HYDIN: variants seen among roughly 807,000 people sequenced by gnomAD.
The protein encoded by HYDIN is axonemal central pair apparatus protein HYDIN.
In HYDIN, 132 loss-of-function variants were observed where a neutral mutation model predicts 403.9. The observed-to-expected ratio is 0.33, with a 90% CI of 0.28 to 0.38. HYDIN has a LOEUF of 0.38. Ranked by LOEUF, HYDIN falls within the 10% of genes least tolerant of loss-of-function variation. The pLI, the probability that HYDIN is intolerant of heterozygous loss-of-function variation, is 1.00. For missense variants in HYDIN, 2,827 were observed against 5,009.5 expected, an observed-to-expected ratio of 0.56 and a Z score of 13.15; for synonymous variants, 1,202 against 1,891.7, an observed-to-expected ratio of 0.64 and a Z score of 9.46.
At chr16:71,048,667 T>C (rs1597639450) in intron 18 of HYDIN, among the ~76,000 whole-genome samples, 2 of 151,780 alleles carry the variant, frequency 1.3e-5, no homozygotes, top group African/African-American at 4.8e-5. Context: ...GAGCTAAACA[T>C]TGAGTACGCA....
chr16:70,865,179 T>TCGCTTCTTCACTTGGCTACCCC (rs1241050732), intron 67 of HYDIN: 1 of 360,826 alleles, frequency 2.8e-6, no homozygotes, highest in Non-Finnish European at 5.6e-6. Flanking sequence ...CCCTTCATTC[T>TCGCTTCTTCACTTGGCTACCCC]CGCTTCTTCA....
At chr16:70,876,074 T>A (rs8051474) in intron 62 of HYDIN, among the ~76,000 whole-genome samples, 591 of 140,390 alleles carry the variant, frequency 4.2e-3, no homozygotes, top group African/African-American at 0.019. Context: ...TAGACCAGGA[T>A]CTGTGAGAGT....
intron 18 of HYDIN, among the ~76,000 whole-genome samples, chr16:71,054,124 T>G (rs1162549742): frequency 2.0e-5 from 3 of 152,266 alleles, no homozygotes; most frequent in East Asian, 1.9e-4. Flanking sequence ...TGAATCACAT[T>G]AACACAAGAG....
intron 18 of HYDIN, among the ~76,000 whole-genome samples, chr16:71,041,275 TA>T (rs1445940628): frequency 6.7e-6 from 1 of 148,798 alleles, no homozygotes; most frequent in African/African-American, 2.5e-5. Context: ...TCAACACTGC[TA>T]GGGGGTAGGA....
chr16:71,150,762 T>C (rs370352941), intron 7 of HYDIN, among the ~76,000 whole-genome samples: 47 of 152,158 alleles, frequency 3.1e-4, no homozygotes, highest in Admixed American at 1.6e-3. Flanking sequence ...ATCAAGGAAA[T>C]GAAAAGGCAA....
At chr16:70,971,801 G>A (rs2078741325) in intron 35 of HYDIN, among the ~76,000 whole-genome samples, 1 of 150,650 alleles carries the variant, frequency 6.6e-6, no homozygotes. Flanking sequence ...GCTCCTTATG[G>A]AAATCTTTCT....
intron 20 of HYDIN, 117 bp downstream of exon 20, chr16:71,027,485 A>T (rs956527797): frequency 8.1e-5 from 125 of 1,541,218 alleles, no homozygotes; most frequent in Non-Finnish European, 1.0e-4. Context: ...ATTGTACACA[A>T]TCCTTGAGAA....
chr16:70,834,870 A>ATG (rs1373362746), intron 78 of HYDIN, among the ~76,000 whole-genome samples: 25 of 144,506 alleles, frequency 1.7e-4, no homozygotes, highest in African/African-American at 6.8e-4. Context: ...ACAAACATAT[A>ATG]TATATGTGTG....
intron 83 of HYDIN, among the ~76,000 whole-genome samples, chr16:70,826,267 C>A (rs1396300474): frequency 7.2e-6 from 1 of 139,226 alleles, no homozygotes; most frequent in Admixed American, 7.4e-5. Flanking sequence ...TCTTTGTCCT[C>A]AAGGGCTAAG....
chr16:71,066,822 G>A (rs929145918), intron 15 of HYDIN: 12 of 464,788 alleles, frequency 2.6e-5, no homozygotes, highest in Non-Finnish European at 4.3e-5. Context: ...CCCACTCCTA[G>A]CCTGAAATTC....
intron 65 of HYDIN, among the ~76,000 whole-genome samples, chr16:70,870,636 T>C (rs573788845): frequency 4.6e-5 from 7 of 152,232 alleles, no homozygotes; most frequent in African/African-American, 1.4e-4. Flanking sequence ...CCTCTCTGCC[T>C]CCTTTGATTA....
intron 13 of HYDIN, among the ~76,000 whole-genome samples, chr16:71,072,216 C>A (rs1231012543): frequency 1.4e-5 from 2 of 147,246 alleles, no homozygotes; most frequent in East Asian, 3.9e-4. Context: ...AGGAAATAAT[C>A]TCTGAATAAG....
At chr16:71,115,276 T>C (rs2083979090) in intron 10 of HYDIN, among the ~76,000 whole-genome samples, 1 of 152,190 alleles carries the variant, frequency 6.6e-6, no homozygotes, top group Non-Finnish European at 1.5e-5. Context: ...ACTCGGCACT[T>C]CTCCCTCCTG....
chr16:70,847,731 A>G lies in HYDIN; in HGVS notation c.12873+1995T>C, dbSNP rs530866356. 5.4e-3 allele frequency among the ~76,000 whole-genome samples: 822 copies of G among 151,782 alleles called. 4 individuals are homozygous for G. Among genetic ancestry groups the G allele is most frequent in the African/African-American group, 0.019 (805 of 41,376 alleles). ...TGCCTTCCAGATGATCTGTCTTTGT[A>G]TTTCAACAGTTTGGTAATGATGTGT... On this transcript the variant is annotated intron_variant, in intron 75 of 85. Coordinates refer to ENST00000393567, the MANE Select transcript of HYDIN (RefSeq NM_001270974.2).
At chr16:71,037,115 T>C (rs780209115) in intron 18 of HYDIN, among the ~76,000 whole-genome samples, 4 of 151,400 alleles carry the variant, frequency 2.6e-5, no homozygotes, top group Non-Finnish European at 5.9e-5. Flanking sequence ...CTCCTAACTA[T>C]GTATGCCTGG....
At chr16:71,143,746 C>A (rs2085258741) in intron 7 of HYDIN, among the ~76,000 whole-genome samples, 1 of 152,274 alleles carries the variant, frequency 6.6e-6, no homozygotes, top group East Asian at 1.9e-4. Flanking sequence ...AACTGCAAAG[C>A]AGCAACATTA....
At chr16:71,044,756 T>C (rs2081399049) in intron 18 of HYDIN, among the ~76,000 whole-genome samples, 3 of 140,962 alleles carry the variant, frequency 2.1e-5, no homozygotes, top group South Asian at 2.3e-4. Context: ...TTTTATTTCA[T>C]TGAACATATT....
chr16:71,145,274 G>T (rs1331316855), intron 7 of HYDIN, among the ~76,000 whole-genome samples: 130 of 129,988 alleles, frequency 1.0e-3, no homozygotes, highest in African/African-American at 2.7e-3. Flanking sequence ...TTTTTTTTTT[G>T]AGATGGAGTC....
At chr16:71,107,578 A>G (rs2083664342) in intron 10 of HYDIN, among the ~76,000 whole-genome samples, 1 of 152,170 alleles carries the variant, frequency 6.6e-6, no homozygotes, top group Non-Finnish European at 1.5e-5. Flanking sequence ...AAAAAGCTCA[A>G]TATCACTGAT....
Sources: gnomAD v4.1 joint callset for allele counts (sites outside exome capture counted in the v4.1 genomes callset) on GRCh38, gnomAD v4.1.1 for gene constraint, MANE v1.5 for transcripts, NCBI Gene and HGNC (gene_info 2026-07-23, HGNC 2026-07-21) for gene names.